TLK2: variants seen among roughly 807,000 people sequenced by gnomAD.
TLK2 encodes the protein serine/threonine-protein kinase tousled-like 2.
TLK2 carries 6 observed loss-of-function variants against 117.3 expected under a neutral mutation model. The observed-to-expected ratio is 0.05, with a 90% CI of 0.03 to 0.10. The LOEUF (loss-of-function observed/expected upper bound fraction) is 0.10. Among genes scored for constraint, TLK2 ranks in the 10% least tolerant of loss-of-function variants. The probability of loss-of-function intolerance (pLI) is 1.00; values close to 1 mark genes in which losing one functional copy is unlikely to be tolerated. For missense variants in TLK2, 299 were observed against 901.2 expected, an observed-to-expected ratio of 0.33 and a Z score of 8.56; for synonymous variants, 257 against 316.7, an observed-to-expected ratio of 0.81 and a Z score of 2.00.
chr17:62,543,968 T>C (rs1474454499), intron 7 of TLK2, among the ~76,000 whole-genome samples: 1 of 152,246 alleles, frequency 6.6e-6, no homozygotes, highest in Non-Finnish European at 1.5e-5. Flanking sequence ...TTAGCTCTTA[T>C]ATTTAGGTCT....
chr17:62,585,951 G>A, intron 15 of TLK2, 184 bp from the exon 16 acceptor site: 1 of 505,836 alleles, frequency 2.0e-6, no homozygotes, highest in Non-Finnish European at 3.6e-6. Context: ...CAGTGTGTCT[G>A]GAGACTTCTA....
intron 9 of TLK2, 87 bp downstream of exon 9, chr17:62,553,842 A>G: frequency 1.2e-6 from 1 of 816,586 alleles, no homozygotes; most frequent in East Asian, 2.6e-5. Context: ...AGTAATTACT[A>G]TAGCCAAATA....
Position 62,479,287 on chromosome 17 carries a change from G to T in TLK2, c.-9G>T. The T allele has an allele frequency of 6.0e-6, 1 of 167,558 alleles. No individual in the cohort carries two copies. The highest frequency in any genetic ancestry group is 1.2e-5 in the Non-Finnish European group (1 of 80,422). 10.4% of individuals were successfully genotyped at this position (167,558 alleles called of 1,614,324 possible). On this transcript the variant is annotated 5_prime_UTR_variant, in exon 1 of 22. Coordinates refer to ENST00000346027, the MANE Select transcript of TLK2 (RefSeq NM_006852.6). The stretch of plus-strand genomic sequence containing the variant: ...GCGTGGAGCGGCGGCGGCGGCGGCG[G>T]CAGGTGAGAGGCTGAGCCCCGGGCG...
At chr17:62,471,444 T>G (rs1567744638) in intron 1 of TLK2, among the ~76,000 whole-genome samples, 3 of 152,286 alleles carry the variant, frequency 2.0e-5, no homozygotes, top group African/African-American at 7.2e-5. Context: ...TCAATCTAAT[T>G]AAGGCAAAAA....
intron 8 of TLK2, among the ~76,000 whole-genome samples, chr17:62,553,014 A>G: frequency 6.6e-6 from 1 of 152,218 alleles, no homozygotes. Flanking sequence ...TGTTCTGAAC[A>G]TTTGAGGATT....
chr17:62,541,590 G>C (rs1242879705), intron 7 of TLK2, among the ~76,000 whole-genome samples: 1 of 152,214 alleles, frequency 6.6e-6, no homozygotes, highest in African/African-American at 2.4e-5. Context: ...ATAATTCTAT[G>C]TTTTAACATA....
At chr17:62,484,368 C>T (rs1379539881) in intron 2 of TLK2, among the ~76,000 whole-genome samples, 1 of 151,922 alleles carries the variant, frequency 6.6e-6, no homozygotes, top group African/African-American at 2.4e-5. Context: ...GCGATCTCAG[C>T]TCACTGCAAC....
chr17:62,509,428 T>C (rs953942240), intron 2 of TLK2, among the ~76,000 whole-genome samples: 1 of 152,206 alleles, frequency 6.6e-6, no homozygotes, highest in Admixed American at 6.5e-5. Flanking sequence ...TCATGTTGAA[T>C]AATATGATAG....
intron 2 of TLK2, among the ~76,000 whole-genome samples, chr17:62,495,603 T>A (rs2073571386): frequency 6.7e-6 from 1 of 149,188 alleles, no homozygotes; most frequent in South Asian, 2.1e-4. Context: ...AAATAATTAA[T>A]CTTGATTAGT....
intron 6 of TLK2, among the ~76,000 whole-genome samples, chr17:62,528,527 C>G (rs1334433480): frequency 1.3e-5 from 2 of 152,082 alleles, no homozygotes; most frequent in African/African-American, 4.8e-5. Flanking sequence ...AGCGATTCTC[C>G]TGCCTCAGCC....
At chr17:62,525,422 T>TA (rs1466553964) in intron 6 of TLK2, among the ~76,000 whole-genome samples, 1 of 151,954 alleles carries the variant, frequency 6.6e-6, no homozygotes, top group Admixed American at 6.6e-5. Context: ...TTTTGGCTAT[T>TA]ACTGTGTCAT....
intron 7 of TLK2, among the ~76,000 whole-genome samples, chr17:62,537,603 G>A (rs929779775): frequency 1.3e-4 from 20 of 152,156 alleles, no homozygotes; most frequent in Non-Finnish European, 2.2e-4. Context: ...ATGGCTTCCT[G>A]TCCAGGTCTG....
chr17:62,547,501 C>G (rs1341432707), intron 7 of TLK2, among the ~76,000 whole-genome samples: 1 of 151,870 alleles, frequency 6.6e-6, no homozygotes, highest in African/African-American at 2.4e-5. Flanking sequence ...ACATGAGATC[C>G]CTATATTGTG....
At chr17:62,576,658 G>A in intron 12 of TLK2, 51 bp from the exon 13 acceptor site, 1 of 1,403,030 alleles carries the variant, frequency 7.1e-7, no homozygotes, top group Admixed American at 1.7e-5. Flanking sequence ...CTTTAAACAG[G>A]CAAACTATGA....
chr17:62,582,795 C>T (rs1360279867), intron 15 of TLK2, among the ~76,000 whole-genome samples: 1 of 152,150 alleles, frequency 6.6e-6, no homozygotes, highest in Non-Finnish European at 1.5e-5. Context: ...TTCCTTTCCC[C>T]CTCCTCCTTG....
intron 7 of TLK2, among the ~76,000 whole-genome samples, chr17:62,549,418 A>AAAAAAAAAAAAAAAAAT (rs1598512088): frequency 2.3e-4 from 2 of 8,534 alleles, no homozygotes; most frequent in Non-Finnish European, 6.2e-4. Context: ...AAAAAAAAAA[A>AAAAAAAAAAAAAAAAAT]AAAAAAAAAA....
chr17:62,582,035 A>G (rs138345577), intron 15 of TLK2, among the ~76,000 whole-genome samples: 175 of 152,252 alleles, frequency 1.1e-3, no homozygotes, highest in Non-Finnish European at 1.7e-3. Flanking sequence ...TCACTTGAGC[A>G]CAGGAGTTTG....
chr17:62,495,868 T>G (rs1396441172), intron 2 of TLK2, among the ~76,000 whole-genome samples: 1 of 151,768 alleles, frequency 6.6e-6, no homozygotes, highest in Non-Finnish European at 1.5e-5. Flanking sequence ...TTCACCATGT[T>G]GCCCAGGCTT....
rs879093454 is a variant in TLK2, at chr17:62,613,473, G to C, written c.*908G>C. 6.6e-6 allele frequency: 1 copy of C among 152,556 alleles called. No homozygotes were observed. Among genetic ancestry groups the C allele is most frequent in the Non-Finnish European group, 1.5e-5 (1 of 68,016 alleles). 9.5% of individuals were successfully genotyped at this position (152,556 alleles called of 1,614,324 possible). A position where few individuals can be genotyped will look rare whatever the true frequency, so the allele number is the denominator to read the frequency against. On this transcript the variant is annotated 3_prime_UTR_variant, in exon 22 of 22. Transcript: ENST00000346027. ...TTGAAGTGCTATTTTTTTAAATAAA[G>C]GTTCATCTGTCCATGCAGTCCTCTT...
Sources: gnomAD v4.1 joint callset for allele counts (sites outside exome capture counted in the v4.1 genomes callset) on GRCh38, gnomAD v4.1.1 for gene constraint, MANE v1.5 for transcripts, NCBI Gene and HGNC (gene_info 2026-07-23, HGNC 2026-07-21) for gene names.